ARHGAP20: variants seen among roughly 807,000 people sequenced by gnomAD.
ARHGAP20 encodes the protein rho GTPase-activating protein 20.
Under a neutral mutation model 73.7 loss-of-function variants are expected in ARHGAP20, and 34 were observed. That is an observed-to-expected ratio of 0.46 (90% confidence interval 0.35 to 0.61). The LOEUF (loss-of-function observed/expected upper bound fraction) is 0.61, where lower values mean the gene tolerates loss of function less well. Ranked by LOEUF, ARHGAP20 falls within the 20% of genes least tolerant of loss-of-function variation. ARHGAP20 has a pLI of 0.00. For synonymous variants in ARHGAP20, 523 were observed against 518.2 expected, an observed-to-expected ratio of 1.01 and a Z score of -0.13; for missense variants, 1,314 against 1,420.9, an observed-to-expected ratio of 0.92 and a Z score of 1.21.
intron 3 of ARHGAP20, among the ~76,000 whole-genome samples, chr11:110,626,487 G>C (rs751777046): frequency 3.9e-5 from 6 of 152,120 alleles, no homozygotes; most frequent in Non-Finnish European, 1.5e-5. Flanking sequence ...ACATTATTTA[G>C]TTTGATCCTC....
upstream of ARHGAP20, chr11:110,712,805 C>G (rs1009780279): frequency 6.6e-6 from 1 of 152,484 alleles, no homozygotes; most frequent in African/African-American, 2.4e-5. Flanking sequence ...CCCTGCAGCG[C>G]GTGCATCCGC....
chr11:110,664,232 G>A (rs1949673191), intron 2 of ARHGAP20, among the ~76,000 whole-genome samples: 1 of 152,160 alleles, frequency 6.6e-6, no homozygotes, highest in South Asian at 2.1e-4. Context: ...TAAGGAAGAA[G>A]TAAAACTGTG....
rs771523478 is a variant in ARHGAP20, at chr11:110,586,344, CA to C, written c.1306-20del. The C allele has an allele frequency of 1.2e-5, 17 of 1,398,062 alleles. No individual in the cohort carries two copies. The South Asian group carries it at 2.1e-4, about 17-fold the overall frequency. 86.6% of individuals were successfully genotyped at this position (1,398,062 alleles called of 1,614,324 possible). A position where few individuals can be genotyped will look rare whatever the true frequency, so the allele number is the denominator to read the frequency against. On this transcript the variant is annotated intron_variant, in intron 11 of 14. Transcript: ENST00000683387. ...GAAAATCCTTAAATAGATGGAAAAACAAATATTTCAAATAATTATCCTCATG... is the reference window on the plus strand; with the variant it reads ...GAAAATCCTTAAATAGATGGAAAAACAATATTTCAAATAATTATCCTCATG...
In ARHGAP20 at chr11:110,623,835, G is replaced by C. The variant is rs1178498920; in HGVS notation, c.503+327C>G. On this transcript the variant is annotated intron_variant, in intron 4 of 14. Coordinates refer to ENST00000683387, the MANE Select transcript of ARHGAP20 (RefSeq NM_001384657.1). ...TACTCTATTCCCCTTCCATATTCCTGGAAGTTCCTGTTGTTGCTGTTGTTG... is the reference window on the plus strand; with the variant it reads ...TACTCTATTCCCCTTCCATATTCCTCGAAGTTCCTGTTGTTGCTGTTGTTG... Among the ~76,000 whole-genome samples, 13 of 150,598 alleles carry C rather than the reference G, an allele frequency of 8.6e-5. No individual in the cohort carries two copies. In the East Asian group the frequency reaches 2.5e-3, roughly 29 times the overall value.
chr11:110,672,188 T>G (rs1459984054), intron 2 of ARHGAP20, among the ~76,000 whole-genome samples: 1 of 152,124 alleles, frequency 6.6e-6, no homozygotes, highest in South Asian at 2.1e-4. Context: ...ATTAAAAACT[T>G]CTGCATCTCT....
chr11:110,580,834 T>G lies in ARHGAP20; in HGVS notation c.2112A>C (p.Ser704=). ...AATCCAGATAGTCGATGCTGGGCTCTGAGCAACGCCGGTGTCGCCTCAGGC... is the reference window on the plus strand; with the variant it reads ...AATCCAGATAGTCGATGCTGGGCTCGGAGCAACGCCGGTGTCGCCTCAGGC... ...AKSLRRHRRC[S]EPSIDYLDSK... Residue 704 remains serine, a synonymous_variant, in exon 15 of 15, where the codon TCA becomes TCC. Coordinates refer to ENST00000683387, the MANE Select transcript of ARHGAP20 (RefSeq NM_001384657.1). 6.2e-7 allele frequency: 1 copy of G among 1,613,916 alleles called. No homozygotes were observed. The highest frequency in any genetic ancestry group is 1.1e-5 in the South Asian group (1 of 91,080).
At chr11:110,685,240 T>A (rs948308672) in intron 2 of ARHGAP20, among the ~76,000 whole-genome samples, 3 of 152,216 alleles carry the variant, frequency 2.0e-5, no homozygotes, top group Non-Finnish European at 4.4e-5. Context: ...TCATTTTATT[T>A]TTAAGAAAAC....
At chr11:110,621,112 T>C (rs1421379316) in intron 4 of ARHGAP20, among the ~76,000 whole-genome samples, 1 of 149,064 alleles carries the variant, frequency 6.7e-6, no homozygotes, top group Non-Finnish European at 1.5e-5. Context: ...CACTGTCTTC[T>C]AACCTCCATA....
At position 110,611,349 on chromosome 11, in the gene ARHGAP20, T is replaced by C. The variant is rs1264344693; in HGVS notation, c.668A>G (p.Asn223Ser). Residue 223 changes from asparagine (N) to serine (S), a missense_variant, in exon 7 of 15, where the codon AAT (asparagine) becomes AGT (serine). By Grantham distance (46) the Asn-to-Ser change is conservative. Around this residue, in one of 3 missense-constraint regions of ARHGAP20, gnomAD observed 443 missense variants for 466.4 expected, o/e 0.95. Transcript: ENST00000683387. ...TGGTAATGACATGTTGATAACTTCATTCGCTGTATCTGAATTCATTACTGT... is the reference window on the plus strand; with the variant it reads ...TGGTAATGACATGTTGATAACTTCACTCGCTGTATCTGAATTCATTACTGT... Reference protein sequence around the residue: ...TITVMNSDTANEVINMSLPML... With the variant: ...TITVMNSDTASEVINMSLPML... The C allele has an allele frequency of 3.2e-6, 5 of 1,570,646 alleles. No homozygotes were observed. The highest frequency in any genetic ancestry group is 2.6e-6 in the Non-Finnish European group (3 of 1,154,718).
At chr11:110,617,967 T>C (rs946565970) in intron 4 of ARHGAP20, among the ~76,000 whole-genome samples, 1 of 152,074 alleles carries the variant, frequency 6.6e-6, no homozygotes, top group Non-Finnish European at 1.5e-5. Flanking sequence ...CCGGGAACCA[T>C]ATGTCACTCA....
At chr11:110,614,666 C>A (rs772576223) in intron 5 of ARHGAP20, 21 bp from the exon 6 acceptor site, 15 of 1,504,240 alleles carry the variant, frequency 1.0e-5, no homozygotes, top group Non-Finnish European at 1.4e-5. Context: ...GCAACAGCAA[C>A]CCAAAACAAC....
At chr11:110,625,327 G>A (rs1010613614) in intron 3 of ARHGAP20, among the ~76,000 whole-genome samples, 11 of 152,010 alleles carry the variant, frequency 7.2e-5, no homozygotes, top group African/African-American at 2.4e-4. Context: ...GTGAGCCACC[G>A]TGCCCAGCCA....
At chr11:110,590,518 T>C in intron 11 of ARHGAP20, 130 bp downstream of exon 11, 1 of 953,506 alleles carries the variant, frequency 1.0e-6, no homozygotes, top group Non-Finnish European at 1.4e-6. Context: ...CACTTTTTAG[T>C]GTTAAAAATT....
intron 2 of ARHGAP20, among the ~76,000 whole-genome samples, chr11:110,638,374 C>T (rs1485586885): frequency 6.6e-6 from 1 of 151,894 alleles, no homozygotes; most frequent in East Asian, 1.9e-4. Context: ...ATTCAAAATA[C>T]TTCTGGTCCC....
At chr11:110,658,006 C>T (rs1172155198) in intron 2 of ARHGAP20, among the ~76,000 whole-genome samples, 1 of 151,332 alleles carries the variant, frequency 6.6e-6, no homozygotes, top group East Asian at 1.9e-4. Flanking sequence ...GAGGAAGTTC[C>T]AGAAGATGAG....
At chr11:110,662,578 G>T (rs1949638824) in intron 2 of ARHGAP20, among the ~76,000 whole-genome samples, 1 of 151,572 alleles carries the variant, frequency 6.6e-6, no homozygotes. Context: ...TACATTATAA[G>T]ATAATGTGAG....
At chr11:110,687,927 T>A (rs1320383828) in intron 2 of ARHGAP20, among the ~76,000 whole-genome samples, 1 of 152,150 alleles carries the variant, frequency 6.6e-6, no homozygotes, top group African/African-American at 2.4e-5. Context: ...AGCCCAGTAA[T>A]TTTTAGAAAT....
intron 1 of ARHGAP20, among the ~76,000 whole-genome samples, chr11:110,694,781 T>C (rs1317097844): frequency 6.6e-6 from 1 of 151,634 alleles, no homozygotes; most frequent in Non-Finnish European, 1.5e-5. Flanking sequence ...GTAGCAAGCA[T>C]ATTTTTGCAT....
intron 3 of ARHGAP20, among the ~76,000 whole-genome samples, chr11:110,626,823 C>T (rs1458249959): frequency 2.0e-5 from 3 of 151,730 alleles, no homozygotes; most frequent in African/African-American, 7.3e-5. Flanking sequence ...CACTTATGAA[C>T]ATAAAGCTAG....
Sources: allele counts gnomAD v4.1 joint callset (sites outside exome capture counted in the v4.1 genomes callset), GRCh38; gene constraint gnomAD v4.1.1; regional missense constraint gnomAD v4.1.1; transcripts MANE v1.5; gene names NCBI Gene and HGNC (gene_info 2026-07-23, HGNC 2026-07-21).